The following GNB4 variants were observed in gnomAD, a reference collection of about 807,000 sequenced individuals.
The protein encoded by GNB4 is guanine nucleotide-binding protein subunit beta-4.
A neutral mutation model predicts 45.2 loss-of-function variants in GNB4; 28 were observed. That is an observed-to-expected ratio of 0.62 (90% CI 0.46 to 0.85). The LOEUF (loss-of-function observed/expected upper bound fraction) is 0.85, where lower values mean the gene tolerates loss of function less well. Among genes scored for constraint, GNB4 ranks in the 40% least tolerant of loss-of-function variants. The probability of loss-of-function intolerance (pLI) is 0.00; values close to 1 mark genes in which losing one functional copy is unlikely to be tolerated. For missense variants in GNB4, 321 were observed against 425.4 expected (o/e 0.75, Z 2.16); for synonymous variants, 132 against 143.7 (o/e 0.92, Z 0.58).
At position 179,414,997 on chromosome 3, in the gene GNB4, A is replaced by C; in HGVS notation, c.318T>G (p.Ala106=). The C allele has an allele frequency of 6.2e-7, 1 of 1,611,644 alleles. No individual in the cohort carries two copies. ...RSSWVMTCAY[A]PSGNYVACGG... is the part of the protein sequence containing the mutation. ...CACAGGCAACATAATTACCAGAGGG[A>C]GCATAAGCACAGGTCATCACCCAGG... is the stretch of plus-strand genomic sequence containing the variant. The change falls in exon 6 of 10, where the codon GCT becomes GCG. Residue 106 remains alanine (A), a synonymous_variant. Coordinates refer to ENST00000232564, the MANE Select transcript of GNB4 (RefSeq NM_021629.4).
chr3:179,486,505 T>G, the GNB4 span, among the ~76,000 whole-genome samples: 3 of 152,152 alleles, frequency 2.0e-5, no homozygotes, highest in African/African-American at 2.4e-5. Context: ...ATCTTTCAGC[T>G]AAATAAGAAT....
the GNB4 span, among the ~76,000 whole-genome samples, chr3:179,468,506 A>G: frequency 7.3e-5 from 11 of 150,464 alleles, no homozygotes; most frequent in South Asian, 1.0e-3. Context: ...AAGAAAAAAA[A>G]AAAACAAAAA....
chr3:179,396,392 C>A lies in GNB4; in HGVS notation c.*4821G>T, dbSNP rs932305785. 1.6e-4 allele frequency: 24 copies of A among 152,122 alleles called. No individual in the cohort carries two copies. Among genetic ancestry groups the A allele is most frequent in the African/African-American group, 5.8e-4 (24 of 41,430 alleles). 9.4% of individuals were successfully genotyped at this position (152,122 alleles called of 1,614,324 possible). A position where few individuals can be genotyped will look rare whatever the true frequency, so the allele number is the denominator to read the frequency against. ...AAATAATTTTAATCAACTTTAAAAA[C>A]ACACTTAGATGTGGATGCCTTTGGA... is the stretch of plus-strand genomic sequence containing the variant. On this transcript the variant is annotated 3_prime_UTR_variant, in exon 10 of 10. Transcript: ENST00000232564.
At chr3:179,408,190 C>T (rs943286460) in intron 8 of GNB4, among the ~76,000 whole-genome samples, 2 of 151,460 alleles carry the variant, frequency 1.3e-5, no homozygotes, top group African/African-American at 2.4e-5. Flanking sequence ...AAAATATGAC[C>T]TATAATTAGG....
chr3:179,445,937 C>A (rs1356307790), intron 1 of GNB4, among the ~76,000 whole-genome samples: 1 of 151,972 alleles, frequency 6.6e-6, no homozygotes, highest in Non-Finnish European at 1.5e-5. Context: ...GCTGTTACTG[C>A]CATAAATATG....
intron 4 of GNB4, 100 bp from the exon 5 acceptor site, chr3:179,416,656 A>C: frequency 1.6e-6 from 1 of 636,018 alleles, no homozygotes; most frequent in Non-Finnish European, 2.6e-6. Context: ...GAAAAATACA[A>C]TTTTTCCAAC....
the GNB4 span, among the ~76,000 whole-genome samples, chr3:179,482,029 A>G: frequency 2.0e-5 from 3 of 152,016 alleles, no homozygotes; most frequent in Admixed American, 2.0e-4. Context: ...CAGCCTCCCC[A>G]GTAGCTGGGA....
the GNB4 span, chr3:179,464,834 C>T: frequency 4.5e-6 from 6 of 1,331,352 alleles, no homozygotes; most frequent in Non-Finnish European, 5.4e-6. Flanking sequence ...TAATGCAGGG[C>T]GAATGTGTTT....
At chr3:179,413,901 T>C (rs1714722235) in intron 6 of GNB4, 120 bp from the exon 7 acceptor site, 1 of 719,592 alleles carries the variant, frequency 1.4e-6, no homozygotes, top group African/African-American at 1.8e-5. Flanking sequence ...TTTGTCAATA[T>C]AGTCTATAGT....
the GNB4 span, among the ~76,000 whole-genome samples, chr3:179,459,064 T>G: frequency 1.3e-5 from 2 of 152,192 alleles, no homozygotes. Flanking sequence ...ATTATTCCCG[T>G]TGTGCAAAGG....
At chr3:179,499,220 C>T in the GNB4 span, among the ~76,000 whole-genome samples, 3 of 144,356 alleles carry the variant, frequency 2.1e-5, no homozygotes, top group Middle Eastern at 3.8e-3. Context: ...TGCAGTGGCG[C>T]GATCTCAGCT....
At chr3:179,488,510 CT>C in the GNB4 span, among the ~76,000 whole-genome samples, 1 of 152,152 alleles carries the variant, frequency 6.6e-6, no homozygotes, top group African/African-American at 2.4e-5. Flanking sequence ...CACTTCCTGC[CT>C]ATAGGTTGTG....
In GNB4 at chr3:179,413,190, AT is replaced by A. The variant is rs200153341; in HGVS notation, c.699+221del. ...AAGACTGTCTCAAAAAAACAAAAAA[AT>A]AACAACAAAAAAAAATCCAACAATA... On this transcript the variant is annotated intron_variant, in intron 8 of 9. Coordinates refer to ENST00000232564, the MANE Select transcript of GNB4 (RefSeq NM_021629.4). Among the ~76,000 whole-genome samples the A allele has an allele frequency of 0.015, 2,302 of 152,192 alleles. 66 individuals carry two copies. The highest frequency in any genetic ancestry group is 0.053 in the African/African-American group (2,191 of 41,510).
rs555320163 is a variant in GNB4 at position 179,435,061 on chromosome 3, TAAAAATAAAGA to T, written c.-42-8830_-42-8820del. ...ATAAAATAAATGAAATGGAATAAAA[TAAAAATAAAGA>T]AAAAAGAAAATGAAGCTTAGGCAGG... On this transcript the variant is annotated intron_variant, in intron 1 of 9. Transcript: ENST00000232564. Among the ~76,000 whole-genome samples, 42 of 152,064 alleles carry T rather than the reference TAAAAATAAAGA, an allele frequency of 2.8e-4. No individual in the cohort carries two copies. In the East Asian group the frequency reaches 4.2e-3, roughly 15 times the overall value.
intron 1 of GNB4, among the ~76,000 whole-genome samples, chr3:179,431,450 T>C (rs112632143): frequency 0.022 from 3,256 of 151,294 alleles, 47 homozygotes; most frequent in Non-Finnish European, 0.035. Flanking sequence ...TCTCAGCTTC[T>C]CGGGAAATTG....
the GNB4 span, among the ~76,000 whole-genome samples, chr3:179,472,817 C>G: frequency 1.3e-5 from 2 of 152,142 alleles, no homozygotes. Context: ...TTTTCCTACT[C>G]ACTGCCACTG....
the GNB4 span, among the ~76,000 whole-genome samples, chr3:179,457,241 C>G: frequency 2.0e-5 from 3 of 152,326 alleles, no homozygotes; most frequent in East Asian, 1.9e-4. Flanking sequence ...GCCATTTCCT[C>G]TAAATGGACC....
the GNB4 span, among the ~76,000 whole-genome samples, chr3:179,489,047 A>ATAT: frequency 9.5e-5 from 2 of 20,990 alleles, no homozygotes; most frequent in Admixed American, 6.7e-4. Context: ...TATATATATA[A>ATAT]TATATATGTA....
the GNB4 span, among the ~76,000 whole-genome samples, chr3:179,494,419 T>A: frequency 6.6e-6 from 1 of 151,566 alleles, no homozygotes; most frequent in East Asian, 1.9e-4. Context: ...ATGCCTGTAA[T>A]CCCAGCTGCT....
Sources: allele counts gnomAD v4.1 joint callset (sites outside exome capture counted in the v4.1 genomes callset), GRCh38; gene constraint gnomAD v4.1.1; transcripts MANE v1.5; gene names NCBI Gene and HGNC (gene_info 2026-07-23, HGNC 2026-07-21).